Variants in NEB observed in about 807,000 individuals in gnomAD.
NEB encodes the protein nemaline myopathy type 2.
A neutral mutation model predicts 952.2 loss-of-function variants in NEB; 512 were observed. The ratio of observed to expected loss-of-function variants is 0.54; its 90% CI spans 0.50 to 0.58. NEB has a LOEUF of 0.58. NEB is among the 20% of genes least tolerant of loss of function. NEB has a pLI of 0.00. For synonymous variants in NEB, 2,900 were observed against 3,149.8 expected (o/e 0.92, Z 2.66); for missense variants, 8,428 against 9,231.1 (o/e 0.91, Z 3.56).
chr2:151,664,441 A>C (rs1295093002), intron 44 of NEB, 60 bp downstream of exon 44: 1 of 1,276,204 alleles, frequency 7.8e-7, no homozygotes, highest in Non-Finnish European at 1.1e-6. Flanking sequence ...ACATACACAC[A>C]AGCTTAGCGC....
rs374866390 is a variant in NEB, at chr2:151,618,261, G to A, written c.11076+14C>T. 3.3e-5 allele frequency: 53 copies of A among 1,610,818 alleles called. No individual in the cohort carries two copies. In the African/African-American group the frequency reaches 6.3e-4, roughly 19 times the overall value. Reference sequence around the variant, plus strand: ...GTAACTTTCGGTATCTAACAGTGAGGATTGAAGACTCACCTTATTCATGTT... The same window carrying A: ...GTAACTTTCGGTATCTAACAGTGAGAATTGAAGACTCACCTTATTCATGTT... On this transcript the variant is annotated intron_variant, in intron 74 of 181. Coordinates refer to ENST00000397345, the MANE Select transcript of NEB (RefSeq NM_001164508.2).
intron 124 of NEB, among the ~76,000 whole-genome samples, chr2:151,557,331 C>T (rs796882969): frequency 6.6e-6 from 1 of 152,146 alleles, no homozygotes; most frequent in Admixed American, 6.5e-5. Flanking sequence ...GAAGTCGAAT[C>T]CCTGAATAGG....
intron 165 of NEB, among the ~76,000 whole-genome samples, chr2:151,503,875 G>C (rs932920118): frequency 1.3e-5 from 2 of 152,038 alleles, no homozygotes; most frequent in African/African-American, 4.8e-5. Context: ...TTTTTGTTTT[G>C]TATGTTCTAA....
At chr2:151,499,263 T>TTAAA (rs2062635215) in intron 169 of NEB, 35 bp downstream of exon 169, 1 of 1,104,778 alleles carries the variant, frequency 9.1e-7, no homozygotes, top group Non-Finnish European at 1.3e-6. Flanking sequence ...AAACATTTTT[T>TTAAA]TAAATAATTA....
intron 143 of NEB, chr2:151,532,160 G>C: frequency 3.7e-6 from 1 of 273,742 alleles, no homozygotes; most frequent in Non-Finnish European, 6.9e-6. Context: ...GCAGTGGTGC[G>C]ATCTCGGCTC....
chr2:151,497,376 T>TG (rs899042217), intron 171 of NEB: 76 of 981,028 alleles, frequency 7.7e-5, no homozygotes, highest in Non-Finnish European at 3.6e-5. Flanking sequence ...CCACACAAAC[T>TG]GAAAAACTCA....
At chr2:151,488,818 CT>C (rs753834454) in intron 181 of NEB, among the ~76,000 whole-genome samples, 3 of 152,078 alleles carry the variant, frequency 2.0e-5, no homozygotes, top group African/African-American at 7.2e-5. Context: ...TAACTTACCC[CT>C]TTCTTGCTGA....
chr2:151,506,797 A>G, intron 163 of NEB, 112 bp downstream of exon 163: 1 of 720,002 alleles, frequency 1.4e-6, no homozygotes, highest in Non-Finnish European at 2.4e-6. Flanking sequence ...TGCTAGTATT[A>G]CTGAGGAGGT....
intron 168 of NEB, among the ~76,000 whole-genome samples, 189 bp downstream of exon 168, chr2:151,501,202 T>C (rs1324654198): frequency 2.6e-5 from 4 of 152,192 alleles, no homozygotes; most frequent in Admixed American, 1.3e-4. Context: ...GGGACTATTA[T>C]AGAAAGTATA....
intron 105 of NEB, among the ~76,000 whole-genome samples, chr2:151,577,008 T>C (rs1289135940): frequency 1.3e-5 from 2 of 152,140 alleles, no homozygotes; most frequent in Non-Finnish European, 2.9e-5. Context: ...AGCTCTCCAT[T>C]TGAGGGACTG....
chr2:151,699,787 C>T lies in NEB; in HGVS notation c.1153-2139G>A, dbSNP rs1473916515. ...AGCCCTTTGTCAGATGAGTAGGTTG[C>T]GAAAATTTTCTCCCATTTTGTAGGT... On this transcript the variant is annotated intron_variant, in intron 13 of 181. Transcript: ENST00000397345. Among the ~76,000 whole-genome samples the T allele has an allele frequency of 5.7e-3, 835 of 146,742 alleles. 5 individuals carry two copies. Among genetic ancestry groups the T allele is most frequent in the East Asian group, 0.053 (252 of 4,790 alleles).
chr2:151,631,563 G>C (rs1178698067), intron 65 of NEB, among the ~76,000 whole-genome samples: 4 of 152,128 alleles, frequency 2.6e-5, no homozygotes, highest in African/African-American at 9.7e-5. Flanking sequence ...TATTAGGAGA[G>C]GAGTGATCCC....
chr2:151,522,027 A>G (rs774096106), intron 153 of NEB, among the ~76,000 whole-genome samples: 3 of 152,230 alleles, frequency 2.0e-5, no homozygotes, highest in Admixed American at 6.5e-5. Context: ...CCCATTAACC[A>G]TGGGAGCTAA....
intron 10 of NEB, among the ~76,000 whole-genome samples, chr2:151,714,314 G>A (rs959573441): frequency 5.9e-5 from 9 of 152,108 alleles, no homozygotes; most frequent in Admixed American, 2.0e-4. Context: ...ACCATTGTTC[G>A]CTTTGTGGGC....
intron 9 of NEB, among the ~76,000 whole-genome samples, chr2:151,717,911 T>C (rs2099763901): frequency 6.8e-6 from 1 of 147,574 alleles, no homozygotes; most frequent in East Asian, 2.0e-4. Flanking sequence ...TGGAATGCAG[T>C]AGCGCGATCT....
At chr2:151,691,765 T>C in intron 23 of NEB, 99 bp downstream of exon 23, 1 of 917,044 alleles carries the variant, frequency 1.1e-6, no homozygotes, top group Non-Finnish European at 1.7e-6. Flanking sequence ...TATCTCCTTC[T>C]AATCACTAGA....
intron 105 of NEB, among the ~76,000 whole-genome samples, chr2:151,576,834 C>T (rs1345680359): frequency 2.6e-5 from 4 of 151,962 alleles, no homozygotes; most frequent in Non-Finnish European, 2.9e-5. Context: ...TACGCCAGGC[C>T]TCTTTTATTT....
At chr2:151,663,150 A>G (rs1475309808) in intron 45 of NEB, among the ~76,000 whole-genome samples, 1 of 152,216 alleles carries the variant, frequency 6.6e-6, no homozygotes, top group Non-Finnish European at 1.5e-5. Context: ...AAGTGGTAGA[A>G]TGAAACCCGG....
At chr2:151,674,925 T>C (rs2099347366) in intron 35 of NEB, among the ~76,000 whole-genome samples, 1 of 152,188 alleles carries the variant, frequency 6.6e-6, no homozygotes, top group South Asian at 2.1e-4. Context: ...AGAGAAGACC[T>C]GGTGGTCAGC....
Sources: allele counts gnomAD v4.1 joint callset (sites outside exome capture counted in the v4.1 genomes callset), GRCh38; gene constraint gnomAD v4.1.1; transcripts MANE v1.5; gene names NCBI Gene and HGNC (gene_info 2026-07-23, HGNC 2026-07-21).